Variants in PLD5 observed in about 807,000 individuals in gnomAD.
The protein encoded by PLD5 is phospholipase D family member 5.
Under a neutral mutation model 61.1 loss-of-function variants are expected in PLD5, and 36 were observed. The ratio of observed to expected loss-of-function variants is 0.59; its 90% CI spans 0.45 to 0.78. The LOEUF (loss-of-function observed/expected upper bound fraction) is 0.78. Ranked by LOEUF, PLD5 falls within the 30% of genes least tolerant of loss-of-function variation. The pLI is 0.00. For synonymous variants in PLD5, 243 were observed against 242.8 expected (o/e 1.00, Z -0.01); for missense variants, 515 against 644.4 (o/e 0.80, Z 2.17).
At chr1:242,257,038 TTCTATCTATCTATCTA>T (rs35243238) in intron 4 of PLD5, among the ~76,000 whole-genome samples, 131 of 142,394 alleles carry the variant, frequency 9.2e-4, no homozygotes, top group Non-Finnish European at 1.3e-3. Flanking sequence ...CCTACCTACC[TTCTATCTATCTATCTA>T]TCTATCTATC....
chr1:242,268,636 T>C (rs1673859351), intron 3 of PLD5, among the ~76,000 whole-genome samples: 1 of 152,216 alleles, frequency 6.6e-6, no homozygotes, highest in Non-Finnish European at 1.5e-5. Flanking sequence ...TAGTGCTCAC[T>C]GTAACGATCT....
rs76532296 is a variant in PLD5 at position 242,481,976 on chromosome 1, C to A, written c.189+42112G>T. Among the ~76,000 whole-genome samples, 1,234 of 152,276 alleles carry A rather than the reference C, an allele frequency of 8.1e-3. 16 individuals are homozygous for A. Among genetic ancestry groups the A allele is most frequent in the African/African-American group, 0.028 (1,183 of 41,560 alleles). On this transcript the variant is annotated intron_variant, in intron 1 of 9. Coordinates refer to ENST00000536534, the MANE Select transcript of PLD5 (RefSeq NM_001372062.1). ...TCTGGAGTGGACCTCCAGCAAACACCAACTGACTTGCAGCTGAGGGTCCTG... is the reference window on the plus strand; with the variant it reads ...TCTGGAGTGGACCTCCAGCAAACACAAACTGACTTGCAGCTGAGGGTCCTG...
chr1:242,297,885 C>G (rs376045402), intron 2 of PLD5, among the ~76,000 whole-genome samples: 272 of 151,328 alleles, frequency 1.8e-3, no homozygotes, highest in Non-Finnish European at 2.4e-3. Context: ...ATGATCCACC[C>G]GCCTCGGCCT....
At chr1:242,301,296 G>A (rs1196659510) in intron 2 of PLD5, among the ~76,000 whole-genome samples, 10 of 152,174 alleles carry the variant, frequency 6.6e-5, no homozygotes, top group Admixed American at 1.3e-4. Context: ...TCATTAAGGC[G>A]ATCATTTGGC....
chr1:242,266,702 T>G (rs376592888), intron 3 of PLD5, among the ~76,000 whole-genome samples: 2 of 152,272 alleles, frequency 1.3e-5, no homozygotes, highest in East Asian at 3.8e-4. Flanking sequence ...TGGCAAGGTC[T>G]TATCTTGCTC....
chr1:242,127,670 AG>A (rs1272865478), intron 5 of PLD5, among the ~76,000 whole-genome samples: 1 of 152,020 alleles, frequency 6.6e-6, no homozygotes, highest in Non-Finnish European at 1.5e-5. Context: ...GGGGAAGGGA[AG>A]GGGGTGAGGG....
intron 1 of PLD5, among the ~76,000 whole-genome samples, chr1:242,518,443 G>T (rs773338109): frequency 6.6e-6 from 1 of 152,112 alleles, no homozygotes; most frequent in South Asian, 2.1e-4. Flanking sequence ...GTGTGAGATC[G>T]TGCCACAGAC....
chr1:242,269,628 C>A (rs949326577), intron 3 of PLD5, among the ~76,000 whole-genome samples: 1 of 151,234 alleles, frequency 6.6e-6, no homozygotes, highest in Non-Finnish European at 1.5e-5. Context: ...AGGAGGTTGC[C>A]GGATGATTAA....
At position 242,088,955 on chromosome 1, in the gene PLD5, A is replaced by G. The variant is rs769027293; in HGVS notation, c.*899T>C. ...GAGATTTTTTCCTTTATAATACCAT[A>G]AACTGAACAAAAATGTGAAAAACTA... On this transcript the variant is annotated 3_prime_UTR_variant, in exon 10 of 10. Transcript: ENST00000536534. 1 of 186,686 alleles carries G rather than the reference A, an allele frequency of 5.4e-6. No homozygotes were observed. Among genetic ancestry groups the G allele is most frequent in the South Asian group, 1.9e-4 (1 of 5,154 alleles). 11.6% of individuals were successfully genotyped at this position (186,686 alleles called of 1,614,324 possible). A position where few individuals can be genotyped will look rare whatever the true frequency, so the allele number is the denominator to read the frequency against.
chr1:242,409,146 T>C (rs1186391478), intron 1 of PLD5, among the ~76,000 whole-genome samples: 1 of 152,098 alleles, frequency 6.6e-6, no homozygotes, highest in Non-Finnish European at 1.5e-5. Context: ...GGAAATTCCA[T>C]CCATGAGCTC....
intron 5 of PLD5, among the ~76,000 whole-genome samples, chr1:242,186,874 GCAAA>G (rs1177225224): frequency 1.3e-5 from 2 of 152,288 alleles, no homozygotes; most frequent in South Asian, 2.1e-4. Context: ...AGGCAAATAA[GCAAA>G]CAAACACCTC....
chr1:242,284,677 C>T (rs1358745479), intron 3 of PLD5, among the ~76,000 whole-genome samples: 5 of 152,188 alleles, frequency 3.3e-5, no homozygotes, highest in African/African-American at 1.2e-4. Flanking sequence ...GAAACAGTCA[C>T]TTGGCCACCA....
chr1:242,425,208 C>T (rs1433938677), intron 1 of PLD5, among the ~76,000 whole-genome samples: 1 of 152,158 alleles, frequency 6.6e-6, no homozygotes, highest in Non-Finnish European at 1.5e-5. Context: ...GTGATTTTGT[C>T]CTTACATGAA....
At chr1:242,523,247 G>A (rs994546915) in intron 1 of PLD5, among the ~76,000 whole-genome samples, 4 of 152,166 alleles carry the variant, frequency 2.6e-5, no homozygotes, top group African/African-American at 9.7e-5. Flanking sequence ...CTGCACTCTT[G>A]AGATAATTCT....
chr1:242,255,261 C>G (rs891568167), intron 4 of PLD5, among the ~76,000 whole-genome samples: 1 of 152,090 alleles, frequency 6.6e-6, no homozygotes, highest in Non-Finnish European at 1.5e-5. Flanking sequence ...ATAAAGTTTA[C>G]TCTAGGGAAA....
intron 2 of PLD5, among the ~76,000 whole-genome samples, chr1:242,304,325 G>T: frequency 6.6e-6 from 1 of 152,196 alleles, no homozygotes; most frequent in Non-Finnish European, 1.5e-5. Flanking sequence ...CAGCACAGAA[G>T]ACAATTTTGG....
At chr1:242,525,514 G>A (rs1215096914), upstream of PLD5, among the ~76,000 whole-genome samples, 1 of 152,252 alleles carries the variant, frequency 6.6e-6, no homozygotes, top group Non-Finnish European at 1.5e-5. Context: ...AGGGTGGCTT[G>A]TTCGCGATTA....
chr1:242,256,754 CT>C lies in PLD5; in HGVS notation c.607+8582del, dbSNP rs768559668. 1.1e-5 allele frequency among the ~76,000 whole-genome samples: 1 copy of C among 90,416 alleles called. No individual in the cohort carries two copies. Among genetic ancestry groups the C allele is most frequent in the Non-Finnish European group, 2.2e-5 (1 of 46,214 alleles). 59.3% of individuals were successfully genotyped at this position (90,416 alleles called of 152,430 possible). A position where few individuals can be genotyped will look rare whatever the true frequency, so the allele number is the denominator to read the frequency against. On this transcript the variant is annotated intron_variant, in intron 4 of 9. Coordinates refer to ENST00000536534, the MANE Select transcript of PLD5 (RefSeq NM_001372062.1). The surrounding 1 kb of genome is among the most constrained non-coding windows in gnomAD (Gnocchi z 5.7). ...CAAATGAACTAAGACTATCATCTAT[CT>C]ATCTATCTATCTATCTATCTATCTA...
At chr1:242,190,252 T>C (rs1205973260) in intron 5 of PLD5, among the ~76,000 whole-genome samples, 1 of 147,024 alleles carries the variant, frequency 6.8e-6, no homozygotes, top group Non-Finnish European at 1.5e-5. Context: ...TTCACGCCAT[T>C]CTCCTATCTC....
Sources: gnomAD v4.1 joint callset for allele counts (sites outside exome capture counted in the v4.1 genomes callset) on GRCh38, gnomAD v4.1.1 for gene constraint, Gnocchi (gnomAD v3.1) non-coding constraint, MANE v1.5 for transcripts, NCBI Gene and HGNC (gene_info 2026-07-23, HGNC 2026-07-21) for gene names.